The following CDH2 variants were observed in gnomAD, a reference collection of about 807,000 sequenced individuals.
CDH2 encodes the protein cadherin-2.
CDH2 carries 17 observed loss-of-function variants against 92.0 expected under a neutral mutation model. The observed-to-expected ratio is 0.18, with a 90% CI of 0.13 to 0.28. CDH2 has a LOEUF of 0.28. Among genes scored for constraint, CDH2 ranks in the 10% least tolerant of loss-of-function variants. The pLI is 1.00. For synonymous variants in CDH2, 419 were observed against 415.9 expected (o/e 1.01, Z -0.09); for missense variants, 862 against 1,133.1 (o/e 0.76, Z 3.44).
At chr18:28,070,124 A>G (rs1308082498) in intron 2 of CDH2, among the ~76,000 whole-genome samples, 4 of 152,154 alleles carry the variant, frequency 2.6e-5, no homozygotes, top group African/African-American at 9.7e-5. Context: ...GGCTTAGAAG[A>G]GAGCTGGAAT....
chr18:28,044,254 C>A (rs1031397877), intron 2 of CDH2, among the ~76,000 whole-genome samples: 2 of 152,100 alleles, frequency 1.3e-5, no homozygotes, highest in Non-Finnish European at 2.9e-5. Context: ...AAGACAAGAA[C>A]CAGTTGGCAG....
At chr18:28,054,557 A>T (rs1036878624) in intron 2 of CDH2, among the ~76,000 whole-genome samples, 7 of 152,186 alleles carry the variant, frequency 4.6e-5, no homozygotes, top group African/African-American at 1.2e-4. Context: ...TCCAAACTAA[A>T]AAACTCTGTG....
chr18:27,970,200 A>G (rs550080937), intron 14 of CDH2, among the ~76,000 whole-genome samples: 1 of 152,332 alleles, frequency 6.6e-6, no homozygotes, highest in African/African-American at 2.4e-5. Context: ...GATGCAATCC[A>G]GTTACATTCC....
At chr18:28,165,284 G>A (rs2016361468) in intron 1 of CDH2, among the ~76,000 whole-genome samples, 1 of 152,150 alleles carries the variant, frequency 6.6e-6, no homozygotes, top group Non-Finnish European at 1.5e-5. Flanking sequence ...CTGAACTCAA[G>A]TGATCCTCCT....
intron 2 of CDH2, among the ~76,000 whole-genome samples, chr18:28,142,500 A>AG (rs1299909570): frequency 6.6e-6 from 1 of 152,062 alleles, no homozygotes; most frequent in African/African-American, 2.4e-5. Flanking sequence ...GAAAAAAAAA[A>AG]ACAAGAAGGA....
At chr18:28,083,270 A>G (rs2014864640) in intron 2 of CDH2, among the ~76,000 whole-genome samples, 1 of 152,158 alleles carries the variant, frequency 6.6e-6, no homozygotes, top group Non-Finnish European at 1.5e-5. Context: ...CCTATGCTGA[A>G]GATACTAATA....
At chr18:28,168,271 C>G (rs1463670508) in intron 1 of CDH2, among the ~76,000 whole-genome samples, 1 of 152,090 alleles carries the variant, frequency 6.6e-6, no homozygotes, top group East Asian at 1.9e-4. Flanking sequence ...AAATCAGTAT[C>G]TGTACTCAGT....
chr18:28,044,938 T>A (rs1298439774), intron 2 of CDH2, among the ~76,000 whole-genome samples: 1 of 152,132 alleles, frequency 6.6e-6, no homozygotes, highest in Non-Finnish European at 1.5e-5. Context: ...TATTTCATTA[T>A]GACTTAAATT....
chr18:28,029,329 A>C (rs1199274683), intron 2 of CDH2, among the ~76,000 whole-genome samples: 1 of 152,166 alleles, frequency 6.6e-6, no homozygotes, highest in Admixed American at 6.5e-5. Context: ...ATACATGTAA[A>C]AATGTCTGAC....
At chr18:28,017,442 T>C (rs2013281168) in intron 2 of CDH2, among the ~76,000 whole-genome samples, 1 of 152,146 alleles carries the variant, frequency 6.6e-6, no homozygotes, top group African/African-American at 2.4e-5. Flanking sequence ...TGTACTTCTG[T>C]GGTATTGGTT....
At chr18:28,001,228 T>C (rs1187160671) in intron 7 of CDH2, among the ~76,000 whole-genome samples, 1 of 152,220 alleles carries the variant, frequency 6.6e-6, no homozygotes, top group Non-Finnish European at 1.5e-5. Context: ...ACGTCAGGCT[T>C]TCATCCTCTA....
chr18:27,987,946 C>T (rs2012288689), intron 11 of CDH2, among the ~76,000 whole-genome samples: 1 of 152,010 alleles, frequency 6.6e-6, no homozygotes, highest in Non-Finnish European at 1.5e-5. Flanking sequence ...ATCAGGTTTA[C>T]AAAAGTCCCC....
At chr18:27,989,306 A>G (rs964081652) in intron 10 of CDH2, among the ~76,000 whole-genome samples, 6 of 152,224 alleles carry the variant, frequency 3.9e-5, no homozygotes, top group Non-Finnish European at 7.3e-5. Context: ...AAGATTAGAT[A>G]ACCAGTTGGA....
intron 1 of CDH2, among the ~76,000 whole-genome samples, chr18:28,170,431 C>T (rs1290256003): frequency 3.9e-5 from 6 of 152,196 alleles, no homozygotes; most frequent in Non-Finnish European, 7.4e-5. Context: ...CTGCAACCTC[C>T]GCCTCCCGGG....
At chr18:28,165,606 G>A (rs944959667) in intron 1 of CDH2, among the ~76,000 whole-genome samples, 1 of 152,056 alleles carries the variant, frequency 6.6e-6, no homozygotes, top group African/African-American at 2.4e-5. Flanking sequence ...TTTTACAGAT[G>A]GGCATACTGA....
At chr18:27,946,070 G>T (rs1159608293), downstream of CDH2, among the ~76,000 whole-genome samples, 1 of 152,098 alleles carries the variant, frequency 6.6e-6, no homozygotes, top group Non-Finnish European at 1.5e-5. Context: ...ACTGAGCAAG[G>T]ACTGGTAAAA....
intron 2 of CDH2, chr18:28,036,734 A>T (rs1446174047): frequency 3.4e-6 from 2 of 586,890 alleles, no homozygotes; most frequent in Non-Finnish European, 6.0e-6. Flanking sequence ...CCCTTATTAC[A>T]TCTGATTCAC....
chr18:27,976,207 C>T (rs2011823995), intron 14 of CDH2, among the ~76,000 whole-genome samples: 1 of 152,188 alleles, frequency 6.6e-6, no homozygotes, highest in Admixed American at 6.5e-5. Flanking sequence ...CTGCCTAGAG[C>T]TTCTCTGCCT....
intron 2 of CDH2, among the ~76,000 whole-genome samples, chr18:28,043,366 G>A (rs2013987129): frequency 6.7e-6 from 1 of 149,366 alleles, no homozygotes; most frequent in East Asian, 2.0e-4. Context: ...ACACTGCTTG[G>A]GTGACAGGTA....
Sources: gnomAD v4.1 joint callset for allele counts (sites outside exome capture counted in the v4.1 genomes callset) on GRCh38, gnomAD v4.1.1 for gene constraint, MANE v1.5 for transcripts, NCBI Gene and HGNC (gene_info 2026-07-23, HGNC 2026-07-21) for gene names.